The following CRK variants were observed in gnomAD, a reference collection of about 807,000 sequenced individuals.
CRK encodes CRK proto-oncogene, adaptor protein.
CRK carries 4 observed loss-of-function variants against 29.8 expected under a neutral mutation model. The observed-to-expected ratio is 0.13, with a 90% CI of 0.07 to 0.31. The LOEUF is 0.31. Ranked by LOEUF, CRK falls within the 10% of genes least tolerant of loss-of-function variation. The pLI is 1.00. For synonymous variants in CRK, 153 were observed against 164.9 expected, an observed-to-expected ratio of 0.93 and a Z score of 0.55; for missense variants, 274 against 396.5, an observed-to-expected ratio of 0.69 and a Z score of 2.62.
At chr17:1,424,046 C>T (rs569574097) in intron 2 of CRK, among the ~76,000 whole-genome samples, 27 of 150,532 alleles carry the variant, frequency 1.8e-4, no homozygotes, top group Non-Finnish European at 2.4e-4. Flanking sequence ...AGGCCCTGTC[C>T]GAGGAGAAGC....
In CRK at chr17:1,445,576, G is replaced by C. The variant is rs76230875; in HGVS notation, c.242-8421C>G. On this transcript the variant is annotated intron_variant, in intron 1 of 2. Transcript: ENST00000300574. ...TCTGGAGATTCTCTTTATTGAGGAG[G>C]ATCACTGATGGAGAATAATTCCTAT... Among the ~76,000 whole-genome samples, 662 of 152,330 alleles carry C rather than the reference G, an allele frequency of 4.3e-3. 9 individuals are homozygous for C. The highest frequency in any genetic ancestry group is 0.019 in the East Asian group (99 of 5,182).
intron 2 of CRK, among the ~76,000 whole-genome samples, chr17:1,426,861 AAAAAT>A (rs1297223765): frequency 6.7e-6 from 1 of 150,354 alleles, no homozygotes; most frequent in Non-Finnish European, 1.5e-5. Flanking sequence ...CACTGTCTCA[AAAAAT>A]AAAATAAATA....
intron 1 of CRK, among the ~76,000 whole-genome samples, chr17:1,451,946 C>T (rs1747016686): frequency 6.6e-6 from 1 of 152,176 alleles, no homozygotes; most frequent in South Asian, 2.1e-4. Flanking sequence ...GACTGCACCA[C>T]TGCACTGTAG....
intron 1 of CRK, among the ~76,000 whole-genome samples, chr17:1,449,393 T>C (rs762449136): frequency 1.1e-4 from 16 of 152,172 alleles, no homozygotes; most frequent in African/African-American, 3.9e-4. Context: ...ACCTCAGTTA[T>C]GTTATTAAGA....
chr17:1,420,962 C>G lies in CRK; in HGVS notation c.*2551G>C. 6.6e-6 allele frequency: 1 copy of G among 152,094 alleles called. No homozygotes were observed. The highest frequency in any genetic ancestry group is 1.9e-4 in the East Asian group (1 of 5,174). The allele number at this position is 152,094 out of a possible 1,614,324, so 9.4% of individuals were successfully genotyped here. On this transcript the variant is annotated 3_prime_UTR_variant, in exon 3 of 3. Coordinates refer to ENST00000300574, the MANE Select transcript of CRK (RefSeq NM_016823.4). The stretch of plus-strand genomic sequence containing the variant: ...CATTATTAACAATAAACAATTCCAA[C>G]AAATTAATAAGAATTAACCATGTCA...
chr17:1,432,277 C>T (rs952180661), intron 2 of CRK, among the ~76,000 whole-genome samples: 18 of 147,642 alleles, frequency 1.2e-4, no homozygotes, highest in Non-Finnish European at 2.5e-4. Flanking sequence ...TCGCTTGAGG[C>T]CAGGAGTTTG....
chr17:1,422,145 ATTTTTTTTTCT>A lies in CRK; in HGVS notation c.*1357_*1367del, dbSNP rs1484276464. ...ATAAGTAATTCACAATTGGTTCAACATTTTTTTTTCTTTTTTTTTTCCTTTTTTTTTTTTTT... is the reference window on the plus strand; with the variant it reads ...ATAAGTAATTCACAATTGGTTCAACATTTTTTTTTCCTTTTTTTTTTTTTT... On this transcript the variant is annotated 3_prime_UTR_variant, in exon 3 of 3. Transcript: ENST00000300574. The A allele has an allele frequency of 6.9e-6, 1 of 145,362 alleles. No homozygotes were observed. Among genetic ancestry groups the A allele is most frequent in the African/African-American group, 2.5e-5 (1 of 39,416 alleles). The allele number at this position is 145,362 out of a possible 1,614,324, so 9.0% of individuals were successfully genotyped here. A position where few individuals can be genotyped will look rare whatever the true frequency, so the allele number is the denominator to read the frequency against.
Position 1,423,134 on chromosome 17 carries a change from A to G in CRK, c.*379T>C, listed in dbSNP as rs148981564. On this transcript the variant is annotated 3_prime_UTR_variant, in exon 3 of 3. Coordinates refer to ENST00000300574, the MANE Select transcript of CRK (RefSeq NM_016823.4). ...TGTCGCCATTTGATAGTATGGTTCC[A>G]GAATGAAAACAAAACCACTGAATAA... 1 of 433,414 alleles carries G rather than the reference A, an allele frequency of 2.3e-6. No individual in the cohort carries two copies. The highest frequency in any genetic ancestry group is 2.0e-5 in the African/African-American group (1 of 49,266). 26.8% of individuals were successfully genotyped at this position (433,414 alleles called of 1,614,324 possible).
chr17:1,430,587 C>G lies in CRK; in HGVS notation c.777+6033G>C, dbSNP rs1158508284. Among the ~76,000 whole-genome samples the G allele has an allele frequency of 6.2e-4, 93 of 148,938 alleles. 1 individual carries two copies. Among genetic ancestry groups the G allele is most frequent in the Middle Eastern group, 3.5e-3 (1 of 286 alleles). ...TCACAGTATTAGCCAGGATGGTCTCCATTTCCTGACCTCGTGATCCGCCCG... is the reference window on the plus strand; with the variant it reads ...TCACAGTATTAGCCAGGATGGTCTCGATTTCCTGACCTCGTGATCCGCCCG... On this transcript the variant is annotated intron_variant, in intron 2 of 2. Coordinates refer to ENST00000300574, the MANE Select transcript of CRK (RefSeq NM_016823.4).
intron 1 of CRK, among the ~76,000 whole-genome samples, chr17:1,438,927 CAG>C (rs780519439): frequency 5.8e-4 from 88 of 152,102 alleles, no homozygotes; most frequent in Admixed American, 9.2e-4. Context: ...ACTGCAGCCT[CAG>C]CCTCAAGCAA....
At chr17:1,424,142 C>G (rs2073754338) in intron 2 of CRK, among the ~76,000 whole-genome samples, 1 of 149,506 alleles carries the variant, frequency 6.7e-6, no homozygotes, top group Non-Finnish European at 1.5e-5. Flanking sequence ...TCTCAGCTCA[C>G]TGCAAGCTCT....
Position 1,421,117 on chromosome 17 carries a change from G to C in CRK, c.*2396C>G, listed in dbSNP as rs943776747. 1 of 152,056 alleles carries C rather than the reference G, an allele frequency of 6.6e-6. No individual in the cohort carries two copies. The highest frequency in any genetic ancestry group is 2.4e-5 in the African/African-American group (1 of 41,412). 9.4% of individuals were successfully genotyped at this position (152,056 alleles called of 1,614,324 possible). A position where few individuals can be genotyped will look rare whatever the true frequency, so the allele number is the denominator to read the frequency against. On this transcript the variant is annotated 3_prime_UTR_variant, in exon 3 of 3. Coordinates refer to ENST00000300574, the MANE Select transcript of CRK (RefSeq NM_016823.4). ...GGAAGACACTTATAAGACATCCTTT[G>C]ATTTCTTGAGGGGCATTAACTGCCA...
intron 1 of CRK, among the ~76,000 whole-genome samples, chr17:1,451,987 C>G (rs1295802640): frequency 6.6e-6 from 1 of 151,984 alleles, no homozygotes; most frequent in Non-Finnish European, 1.5e-5. Context: ...AAACTCCATC[C>G]AAAAACAACA....
At chr17:1,448,317 T>TA (rs1568021271) in intron 1 of CRK, among the ~76,000 whole-genome samples, 1 of 151,980 alleles carries the variant, frequency 6.6e-6, no homozygotes, top group Non-Finnish European at 1.5e-5. Context: ...ACCTATCTAA[T>TA]AAATAAAGTT....
intron 1 of CRK, among the ~76,000 whole-genome samples, chr17:1,441,591 A>G (rs2073935469): frequency 2.0e-5 from 3 of 151,664 alleles, no homozygotes; most frequent in Admixed American, 2.0e-4. Context: ...TCCCGGGTTC[A>G]AGCAACTCTC....
intron 1 of CRK, 36 bp downstream of exon 1, chr17:1,455,841 C>A: frequency 6.7e-7 from 1 of 1,491,054 alleles, no homozygotes. Flanking sequence ...GCGGCCCTCA[C>A]CCCGCCCAGG....
chr17:1,436,146 C>T (rs2073884571), intron 2 of CRK, among the ~76,000 whole-genome samples: 1 of 152,132 alleles, frequency 6.6e-6, no homozygotes, highest in Admixed American at 6.6e-5. Context: ...CTCCCGGATT[C>T]TACTCAATGA....
Position 1,448,686 on chromosome 17 carries a change from C to T in CRK, c.241+7191G>A, listed in dbSNP as rs115089883. 6.0e-3 allele frequency among the ~76,000 whole-genome samples: 890 copies of T among 147,134 alleles called. 9 individuals are homozygous for T. Among genetic ancestry groups the T allele is most frequent in the African/African-American group, 0.021 (825 of 38,920 alleles). On this transcript the variant is annotated intron_variant, in intron 1 of 2. Coordinates refer to ENST00000300574, the MANE Select transcript of CRK (RefSeq NM_016823.4). ...TTATAGGTGCTCAATAAAAAGCAACCAATTCTCCAAATTCCTTCAGCAATT... is the reference window on the plus strand; with the variant it reads ...TTATAGGTGCTCAATAAAAAGCAACTAATTCTCCAAATTCCTTCAGCAATT...
chr17:1,434,875 C>T (rs1332899382), intron 2 of CRK, among the ~76,000 whole-genome samples: 1 of 151,356 alleles, frequency 6.6e-6, no homozygotes, highest in Admixed American at 6.6e-5. Context: ...TAGTTTTCTA[C>T]TCAAATCTTT....
Sources: allele counts gnomAD v4.1 joint callset (sites outside exome capture counted in the v4.1 genomes callset), GRCh38; gene constraint gnomAD v4.1.1; transcripts MANE v1.5; gene names NCBI Gene and HGNC (gene_info 2026-07-23, HGNC 2026-07-21).